NMNAT2: variants seen among roughly 807,000 people sequenced by gnomAD.
The protein encoded by NMNAT2 is nicotinamide nucleotide adenylyltransferase 2, also known as nicotinamide/nicotinic acid mononucleotide adenylyltransferase 2.
NMNAT2 carries 11 observed loss-of-function variants against 41.6 expected under a neutral mutation model. That is an observed-to-expected ratio of 0.26 (90% confidence interval 0.17 to 0.44). The LOEUF is 0.44. Ranked by LOEUF, NMNAT2 falls within the 20% of genes least tolerant of loss-of-function variation. The pLI is 1.00. For synonymous variants in NMNAT2, 148 were observed against 151.2 expected (o/e 0.98, Z 0.16); for missense variants, 288 against 407.7 (o/e 0.71, Z 2.53).
At chr1:183,354,890 C>A (rs1269338641) in intron 1 of NMNAT2, among the ~76,000 whole-genome samples, 1 of 152,194 alleles carries the variant, frequency 6.6e-6, no homozygotes, top group Non-Finnish European at 1.5e-5. Flanking sequence ...TTCCTAACAA[C>A]CATTTTTGCT....
chr1:183,364,715 G>A (rs4652798), intron 1 of NMNAT2, among the ~76,000 whole-genome samples: 140 of 67,284 alleles, frequency 2.1e-3, no homozygotes, highest in African/African-American at 5.7e-3. Context: ...TGTTTGAGAC[G>A]GAGTCTCACA....
In NMNAT2 at chr1:183,292,814, G is replaced by T; in HGVS notation, c.218C>A (p.Ala73Asp). The change falls in exon 3 of 11, where the codon GCC (alanine) becomes GAC (aspartate). Residue 73 changes from alanine to aspartate, a missense_variant. Physicochemically the swap from Ala to Asp is moderately radical, Grantham distance 126. Coordinates refer to ENST00000287713, the MANE Select transcript of NMNAT2 (RefSeq NM_015039.4). ...SRHRLIMCQL[A>D]VQNSDWIRVD... ...CCTGATCCAATCAGAATTCTGGACG[G>T]CCAGCTGACACATGATGAGACGGTG... The T allele has an allele frequency of 6.2e-7, 1 of 1,614,026 alleles. No individual in the cohort carries two copies. The highest frequency in any genetic ancestry group is 8.5e-7 in the Non-Finnish European group (1 of 1,179,982).
At chr1:183,390,603 T>G (rs966225387) in intron 1 of NMNAT2, among the ~76,000 whole-genome samples, 2 of 152,166 alleles carry the variant, frequency 1.3e-5, no homozygotes, top group South Asian at 4.1e-4. Flanking sequence ...AGAGAGCACT[T>G]AAAATTGAAA....
At chr1:183,265,014 GT>G (rs749751920) in intron 8 of NMNAT2, among the ~76,000 whole-genome samples, 5 of 151,918 alleles carry the variant, frequency 3.3e-5, no homozygotes, top group Non-Finnish European at 5.9e-5. Context: ...CAATTTTGAA[GT>G]TTTAAAAGCA....
At chr1:183,346,547 T>G (rs1325387899) in intron 1 of NMNAT2, among the ~76,000 whole-genome samples, 1 of 152,174 alleles carries the variant, frequency 6.6e-6, no homozygotes, top group Non-Finnish European at 1.5e-5. Context: ...TGATCTGACC[T>G]TCCAAGAAAT....
intron 1 of NMNAT2, among the ~76,000 whole-genome samples, chr1:183,407,817 T>C (rs1192368619): frequency 6.6e-6 from 1 of 152,174 alleles, no homozygotes; most frequent in African/African-American, 2.4e-5. Flanking sequence ...ATAAGGTATA[T>C]AAGATATTAC....
intron 8 of NMNAT2, among the ~76,000 whole-genome samples, chr1:183,274,958 G>C (rs769361982): frequency 2.0e-5 from 3 of 152,008 alleles, no homozygotes; most frequent in African/African-American, 7.2e-5. Flanking sequence ...AGCACACTAG[G>C]GGCAAAACCT....
chr1:183,389,822 A>T (rs1180906633), intron 1 of NMNAT2, among the ~76,000 whole-genome samples: 7 of 78,480 alleles, frequency 8.9e-5, no homozygotes, highest in African/African-American at 3.0e-4. Flanking sequence ...GAAAGAAAGA[A>T]AGAAAGAAAG....
intron 1 of NMNAT2, among the ~76,000 whole-genome samples, chr1:183,298,780 A>T (rs1661770939): frequency 6.6e-6 from 1 of 152,230 alleles, no homozygotes; most frequent in African/African-American, 2.4e-5. Context: ...CAACAACAAC[A>T]ACAACAAGAG....
rs4443855 is a variant in NMNAT2, at chr1:183,379,114, C to A, written c.85+39069G>T. On this transcript the variant is annotated intron_variant, in intron 1 of 10. Transcript: ENST00000287713. ...TATAATCTATAATCTATATCTCTCT[C>A]TCTATATAGCAGATATTGTCCGATT... Among the ~76,000 whole-genome samples, 1,098 of 148,084 alleles carry A rather than the reference C, an allele frequency of 7.4e-3. 18 individuals carry two copies. Among genetic ancestry groups the A allele is most frequent in the African/African-American group, 0.024 (977 of 40,236 alleles).
chr1:183,259,341 G>A lies in NMNAT2; in HGVS notation c.821+1661C>T, dbSNP rs58830579. 6.1e-3 allele frequency among the ~76,000 whole-genome samples: 921 copies of A among 152,184 alleles called. 14 individuals are homozygous for A. The highest frequency in any genetic ancestry group is 0.021 in the African/African-American group (858 of 41,512). On this transcript the variant is annotated intron_variant, in intron 10 of 10. Coordinates refer to ENST00000287713, the MANE Select transcript of NMNAT2 (RefSeq NM_015039.4). ...CACAGTGGATGTTACCCTTGTGAGT[G>A]TCTCTGTAATTGCCTTCCAGGGAAG...
At chr1:183,406,886 T>C (rs530685268) in intron 1 of NMNAT2, among the ~76,000 whole-genome samples, 1 of 142,952 alleles carries the variant, frequency 7.0e-6, no homozygotes, top group South Asian at 2.3e-4. Context: ...TGGCGAGATC[T>C]CAGCTCACTG....
chr1:183,373,907 T>G (rs934750772), intron 1 of NMNAT2, among the ~76,000 whole-genome samples: 1 of 152,222 alleles, frequency 6.6e-6, no homozygotes, highest in Non-Finnish European at 1.5e-5. Context: ...CATGAGCCAC[T>G]GCGCCTGGCC....
At chr1:183,353,683 A>G (rs1017588630) in intron 1 of NMNAT2, among the ~76,000 whole-genome samples, 1 of 152,268 alleles carries the variant, frequency 6.6e-6, no homozygotes, top group African/African-American at 2.4e-5. Flanking sequence ...AAGAAATACA[A>G]CAGGTTTTCA....
At chr1:183,358,959 T>G (rs781051367) in intron 1 of NMNAT2, among the ~76,000 whole-genome samples, 1 of 152,246 alleles carries the variant, frequency 6.6e-6, no homozygotes, top group South Asian at 2.1e-4. Context: ...AAGTGTTGAT[T>G]TGAAGAAAGT....
chr1:183,391,435 C>A (rs549575866), intron 1 of NMNAT2, among the ~76,000 whole-genome samples: 1 of 152,126 alleles, frequency 6.6e-6, no homozygotes, highest in Non-Finnish European at 1.5e-5. Context: ...GACATTCTTT[C>A]GAGATTTCTC....
intron 1 of NMNAT2, among the ~76,000 whole-genome samples, chr1:183,299,888 A>T (rs1299254207): frequency 6.6e-6 from 1 of 152,192 alleles, no homozygotes; most frequent in Middle Eastern, 3.2e-3. Context: ...TCTCATTTCG[A>T]TATTCTACTA....
chr1:183,293,954 T>C (rs1464963850), intron 1 of NMNAT2, among the ~76,000 whole-genome samples, 161 bp from the exon 2 acceptor site: 4 of 152,206 alleles, frequency 2.6e-5, no homozygotes, highest in African/African-American at 9.7e-5. Context: ...TGTTGGTGAT[T>C]CAAAAGGTTA....
intron 1 of NMNAT2, among the ~76,000 whole-genome samples, chr1:183,389,418 CTAT>C (rs1648372741): frequency 6.6e-6 from 1 of 152,066 alleles, no homozygotes; most frequent in Non-Finnish European, 1.5e-5. Flanking sequence ...CCAAGCTTTA[CTAT>C]TTTGTAGTTG....
Sources: gnomAD v4.1 joint callset for allele counts (sites outside exome capture counted in the v4.1 genomes callset) on GRCh38, gnomAD v4.1.1 for gene constraint, MANE v1.5 for transcripts, NCBI Gene and HGNC (gene_info 2026-07-23, HGNC 2026-07-21) for gene names.